RPH3AL: variants seen among roughly 807,000 people sequenced by gnomAD.
RPH3AL encodes the protein rabphilin 3A like (without C2 domains).
A neutral mutation model predicts 43.1 loss-of-function variants in RPH3AL; 38 were observed. The observed-to-expected ratio is 0.88, with a 90% CI of 0.68 to 1.15. The LOEUF is 1.15. RPH3AL is among the 50% of genes most tolerant of loss of function. The pLI, the probability that RPH3AL is intolerant of heterozygous loss-of-function variation, is 0.00. For synonymous variants in RPH3AL, 189 were observed against 176.3 expected, an observed-to-expected ratio of 1.07 and a Z score of -0.57; for missense variants, 462 against 423.2, an observed-to-expected ratio of 1.09 and a Z score of -0.81.
intron 5 of RPH3AL, among the ~76,000 whole-genome samples, chr17:302,586 C>G (rs1037243232): frequency 6.6e-6 from 1 of 152,162 alleles, no homozygotes; most frequent in Non-Finnish European, 1.5e-5. Flanking sequence ...CTAAGCTCAA[C>G]GGGAAACAGG....
intron 6 of RPH3AL, among the ~76,000 whole-genome samples, chr17:262,163 G>A (rs1257962547): frequency 6.6e-6 from 1 of 152,136 alleles, no homozygotes; most frequent in Non-Finnish European, 1.5e-5. Flanking sequence ...TGGTCTAGGG[G>A]TCAAGGTCGT....
At chr17:344,835 A>T (rs1292121735) in intron 1 of RPH3AL, among the ~76,000 whole-genome samples, 1 of 135,370 alleles carries the variant, frequency 7.4e-6, no homozygotes, top group Non-Finnish European at 1.7e-5. Flanking sequence ...TCTCATCATC[A>T]TCCTCTTCTG....
rs1555539725 is a variant in RPH3AL, at chr17:245,835, C to T, written c.613+1276G>A. On this transcript the variant is annotated intron_variant, in intron 7 of 9. Transcript: ENST00000331302. The surrounding 1 kb of genome is among the most constrained non-coding windows in gnomAD (Gnocchi z 5.9). ...CCCCTCCTCCTGAGGGACTCCCCGC[C>T]TGCACGGTCTCCACTGCATTGCATC... Among the ~76,000 whole-genome samples the T allele has an allele frequency of 6.6e-6, 1 of 152,174 alleles. No individual in the cohort carries two copies. Among genetic ancestry groups the T allele is most frequent in the Middle Eastern group, 3.2e-3 (1 of 316 alleles).
chr17:338,919 CG>C (rs995073874), intron 1 of RPH3AL: 3 of 152,514 alleles, frequency 2.0e-5, no homozygotes, highest in East Asian at 1.9e-4. Flanking sequence ...CTCCAGGCCC[CG>C]GGGGGCAGCG....
At chr17:348,445 G>A (rs147772861) in intron 1 of RPH3AL, among the ~76,000 whole-genome samples, 36 of 151,190 alleles carry the variant, frequency 2.4e-4, no homozygotes, top group African/African-American at 8.5e-4. Context: ...AAAGCAAGAT[G>A]TTAATCATGG....
At chr17:266,627 C>T (rs781903009) in intron 6 of RPH3AL, among the ~76,000 whole-genome samples, 4 of 152,258 alleles carry the variant, frequency 2.6e-5, no homozygotes, top group African/African-American at 9.6e-5. Context: ...GAGTGAGTTT[C>T]CTCTTCATTC....
intron 7 of RPH3AL, among the ~76,000 whole-genome samples, chr17:235,316 G>T (rs1275409481): frequency 6.6e-6 from 1 of 150,584 alleles, no homozygotes; most frequent in East Asian, 2.0e-4. Flanking sequence ...TCAAAGCTGG[G>T]GTCGGCCGAG....
chr17:219,964 G>C (rs1365445886), intron 7 of RPH3AL, among the ~76,000 whole-genome samples: 3 of 152,178 alleles, frequency 2.0e-5, no homozygotes, highest in African/African-American at 4.8e-5. Flanking sequence ...TCTGGGCTCA[G>C]GCTGACCAGC....
intron 8 of RPH3AL, among the ~76,000 whole-genome samples, chr17:216,897 T>C (rs1229265371): frequency 6.6e-6 from 1 of 152,158 alleles, no homozygotes; most frequent in African/African-American, 2.4e-5. Context: ...TGTCAGGTCT[T>C]TGCCAGCTCT....
chr17:272,985 T>TCAGGGAGAGACCCCAGCAAGGGTG (rs1567604470), intron 6 of RPH3AL, among the ~76,000 whole-genome samples: 1 of 36,360 alleles, frequency 2.8e-5, no homozygotes, highest in African/African-American at 8.8e-5. Context: ...CAGCAAGGGC[T>TCAGGGAGAGACCCCAGCAAGGGTG]ACGTCAGGGT....
At chr17:277,106 T>C (rs183546079) in intron 6 of RPH3AL, among the ~76,000 whole-genome samples, 72 of 152,324 alleles carry the variant, frequency 4.7e-4, no homozygotes, top group Non-Finnish European at 8.1e-4. Context: ...ATCTAAAATG[T>C]AGACAGAGAG....
At chr17:237,572 T>C (rs981237641) in intron 7 of RPH3AL, among the ~76,000 whole-genome samples, 6 of 152,202 alleles carry the variant, frequency 3.9e-5, no homozygotes, top group African/African-American at 1.4e-4. Context: ...GGGAGCTTTT[T>C]GGTTCCTCTC....
intron 5 of RPH3AL, among the ~76,000 whole-genome samples, chr17:305,309 G>C (rs1179601210): frequency 1.3e-5 from 2 of 151,958 alleles, no homozygotes; most frequent in African/African-American, 2.4e-5. Flanking sequence ...GAGATGGCGC[G>C]TAACAGCCCT....
rs991775393 is a variant in RPH3AL, at chr17:236,045, G to A, written c.613+11066C>T. Among the ~76,000 whole-genome samples, 10 of 137,806 alleles carry A rather than the reference G, an allele frequency of 7.3e-5. 1 individual carries two copies. Among genetic ancestry groups the A allele is most frequent in the East Asian group, 2.2e-4 (1 of 4,596 alleles). 90.4% of individuals were successfully genotyped at this position (137,806 alleles called of 152,430 possible). On this transcript the variant is annotated intron_variant, in intron 7 of 9. Coordinates refer to ENST00000331302, the MANE Select transcript of RPH3AL (RefSeq NM_006987.4). ...GGCGGTGGCTCCGTACTAACAAGACGGGGGTCCCAGGTTCAAAGCTGGGGT... is the reference window on the plus strand; with the variant it reads ...GGCGGTGGCTCCGTACTAACAAGACAGGGGTCCCAGGTTCAAAGCTGGGGT...
At chr17:314,112 C>T (rs993811923) in intron 5 of RPH3AL, among the ~76,000 whole-genome samples, 3 of 152,194 alleles carry the variant, frequency 2.0e-5, no homozygotes, top group Non-Finnish European at 4.4e-5. Flanking sequence ...GACATGGCTC[C>T]AAGGAGCACC....
chr17:244,078 CCTCTATTGATCACCTTT>C (rs1022617744), intron 7 of RPH3AL, among the ~76,000 whole-genome samples: 4 of 150,816 alleles, frequency 2.7e-5, no homozygotes, highest in African/African-American at 9.8e-5. Flanking sequence ...TGATCACCTT[CCTCTATTGATCACCTTT>C]CTCTATTGAT....
intron 6 of RPH3AL, among the ~76,000 whole-genome samples, chr17:268,787 C>T (rs1409259574): frequency 6.6e-6 from 1 of 152,182 alleles, no homozygotes; most frequent in East Asian, 1.9e-4. Context: ...TGGTCTCAAA[C>T]TCTGGGGCTC....
At position 281,315 on chromosome 17, in the gene RPH3AL, AGG is replaced by A. The variant is rs549101016; in HGVS notation, c.438+451_438+452del. ...GTGTCTTTATTTCCCCATCAGGAAA[AGG>A]GGATAAGAATAGCACCACTGGGGTT... is the stretch of plus-strand genomic sequence containing the variant. On this transcript the variant is annotated intron_variant, in intron 6 of 9. Transcript: ENST00000331302. 3.2e-4 allele frequency among the ~76,000 whole-genome samples: 48 copies of A among 152,198 alleles called. 1 individual carries two copies. The East Asian group carries it at 8.3e-3, about 26-fold the overall frequency.
At chr17:293,432 G>A (rs1437632050) in intron 5 of RPH3AL, among the ~76,000 whole-genome samples, 1 of 152,014 alleles carries the variant, frequency 6.6e-6, no homozygotes, top group Non-Finnish European at 1.5e-5. Context: ...GGGAAATCGG[G>A]GTATTCAGAC....
Sources: allele counts gnomAD v4.1 joint callset (sites outside exome capture counted in the v4.1 genomes callset), GRCh38; gene constraint gnomAD v4.1.1; non-coding constraint Gnocchi (gnomAD v3.1); transcripts MANE v1.5; gene names NCBI Gene and HGNC (gene_info 2026-07-23, HGNC 2026-07-21).